The following AFDN variants were observed in gnomAD, a reference collection of about 807,000 sequenced individuals.
AFDN encodes the protein afadin.
AFDN carries 68 observed loss-of-function variants against 216.6 expected under a neutral mutation model. The ratio of observed to expected loss-of-function variants is 0.31; its 90% confidence interval spans 0.26 to 0.38. The LOEUF is 0.38. Ranked by LOEUF, AFDN falls within the 10% of genes least tolerant of loss-of-function variation. The probability of loss-of-function intolerance (pLI) is 1.00; values close to 1 mark genes in which losing one functional copy is unlikely to be tolerated. For synonymous variants in AFDN, 868 were observed against 853.7 expected (o/e 1.02, Z -0.29); for missense variants, 2,136 against 2,342.0 (o/e 0.91, Z 1.82).
intron 30 of AFDN, among the ~76,000 whole-genome samples, chr6:167,956,491 C>T (rs554899658): frequency 6.6e-6 from 1 of 152,292 alleles, no homozygotes; most frequent in Non-Finnish European, 1.5e-5. Flanking sequence ...CGACCTGAGA[C>T]GGTAGCACCA....
At position 167,915,868 on chromosome 6, in the gene AFDN, A is replaced by G. The variant is rs148534866; in HGVS notation, c.2565+435A>G. Among the ~76,000 whole-genome samples the G allele has an allele frequency of 4.7e-3, 721 of 152,364 alleles. 10 individuals carry two copies. The highest frequency in any genetic ancestry group is 0.016 in the African/African-American group (680 of 41,596). ...TCTGTGTGTATAAGGTGTATATGAA[A>G]CAAATTTCATATTTAGACTTGGGTC... is the stretch of plus-strand genomic sequence containing the variant. On this transcript the variant is annotated intron_variant, in intron 19 of 33. Transcript: ENST00000683244.
chr6:167,904,824 C>A (rs1789449915), intron 12 of AFDN, among the ~76,000 whole-genome samples: 2 of 152,188 alleles, frequency 1.3e-5, no homozygotes, highest in African/African-American at 4.8e-5. Flanking sequence ...CCATTCTACC[C>A]AGCTCATCAT....
At chr6:167,944,226 T>C (rs772721748) in intron 26 of AFDN, among the ~76,000 whole-genome samples, 167 bp downstream of exon 26, 4 of 152,178 alleles carry the variant, frequency 2.6e-5, no homozygotes, top group Non-Finnish European at 4.4e-5. Context: ...CATGTGAACC[T>C]TCTGACCTTG....
At chr6:167,966,224 G>T in intron 32 of AFDN, 179 bp downstream of exon 32, 1 of 1,531,986 alleles carries the variant, frequency 6.5e-7, no homozygotes, top group Non-Finnish European at 8.7e-7. Flanking sequence ...GCCAGCCCCT[G>T]CCCCCTCCAA....
chr6:167,933,910 C>G (rs1405081348), intron 23 of AFDN, among the ~76,000 whole-genome samples: 2 of 152,110 alleles, frequency 1.3e-5, no homozygotes, highest in East Asian at 3.9e-4. Flanking sequence ...TCACACTGCC[C>G]CAGGCTTGCC....
intron 1 of AFDN, among the ~76,000 whole-genome samples, chr6:167,841,299 A>G (rs1781042779): frequency 6.6e-6 from 1 of 152,184 alleles, no homozygotes; most frequent in Admixed American, 6.5e-5. Context: ...GCACTTAGGA[A>G]GAGAGCCAGG....
intron 23 of AFDN, among the ~76,000 whole-genome samples, chr6:167,936,809 G>A (rs1794065982): frequency 6.6e-6 from 1 of 152,160 alleles, no homozygotes; most frequent in African/African-American, 2.4e-5. Context: ...TGGACAAGTG[G>A]ACACCTTGTA....
chr6:167,906,267 A>T (rs1020150818), intron 12 of AFDN, among the ~76,000 whole-genome samples: 1 of 152,364 alleles, frequency 6.6e-6, no homozygotes, highest in Non-Finnish European at 1.5e-5. Context: ...AATGTTATAC[A>T]GCCATTACAA....
intron 23 of AFDN, among the ~76,000 whole-genome samples, chr6:167,930,694 T>G (rs918627280): frequency 6.6e-6 from 1 of 152,202 alleles, no homozygotes; most frequent in Non-Finnish European, 1.5e-5. Flanking sequence ...TGGAATCTGT[T>G]GCCCTGAGTA....
chr6:167,937,152 C>T (rs192896735), intron 23 of AFDN, among the ~76,000 whole-genome samples: 9 of 152,172 alleles, frequency 5.9e-5, no homozygotes, highest in East Asian at 5.8e-4. Flanking sequence ...AATGTGTCCA[C>T]GGAAATGTCC....
Position 167,962,575 on chromosome 6 carries a change from T to C in AFDN, c.4968+8T>C. ...CGAGACGCTGAAGAAAAGGTTATGGTCCTTTAAGGGCAGCTAGAATTTTAC... is the reference window on the plus strand; with the variant it reads ...CGAGACGCTGAAGAAAAGGTTATGGCCCTTTAAGGGCAGCTAGAATTTTAC... On this transcript the variant is annotated splice_region_variant and intron_variant, in intron 31 of 33. Coordinates refer to ENST00000683244, the MANE Select transcript of AFDN (RefSeq NM_001386888.1). The surrounding 1 kb of genome is among the most constrained non-coding windows in gnomAD (Gnocchi z 5.2). 1 of 1,613,686 alleles carries C rather than the reference T, an allele frequency of 6.2e-7. No homozygotes were observed. Among genetic ancestry groups the C allele is most frequent in the Non-Finnish European group, 8.5e-7 (1 of 1,179,792 alleles).
chr6:167,966,314 A>T, intron 32 of AFDN: 1 of 1,413,308 alleles, frequency 7.1e-7, no homozygotes, highest in Non-Finnish European at 9.3e-7. Flanking sequence ...TGTCTTAATG[A>T]TTGGAACCTC....
At chr6:167,952,325 T>TGTTA in intron 30 of AFDN, 138 bp downstream of exon 30, 2 of 1,521,574 alleles carry the variant, frequency 1.3e-6, no homozygotes, top group East Asian at 4.5e-5. Flanking sequence ...TTATTGTATG[T>TGTTA]GTTACTCTTG....
At chr6:167,919,001 C>T in intron 21 of AFDN, 68 bp downstream of exon 21, 1 of 1,363,270 alleles carries the variant, frequency 7.3e-7, no homozygotes, top group Middle Eastern at 1.8e-4. Context: ...ATTCATTGTC[C>T]ATCTCATAGG....
intron 26 of AFDN, among the ~76,000 whole-genome samples, chr6:167,944,403 A>G (rs930172040): frequency 4.6e-5 from 7 of 152,222 alleles, no homozygotes; most frequent in African/African-American, 9.6e-5. Context: ...GAAAAAAACT[A>G]AAGAATGAAT....
intron 5 of AFDN, among the ~76,000 whole-genome samples, chr6:167,879,994 TC>T (rs1198899223): frequency 4.6e-5 from 7 of 152,180 alleles, no homozygotes; most frequent in Non-Finnish European, 1.0e-4. Flanking sequence ...GGTAAGGAAA[TC>T]GCAAAGCAAT....
intron 2 of AFDN, 38 bp from the exon 3 acceptor site, chr6:167,870,348 A>G (rs781543717): frequency 1.5e-6 from 2 of 1,310,250 alleles, no homozygotes; most frequent in South Asian, 1.3e-5. Flanking sequence ...TGAAATAACC[A>G]TAGCTTATTC....
At chr6:167,903,411 C>T (rs1332349546) in intron 12 of AFDN, among the ~76,000 whole-genome samples, 1 of 152,332 alleles carries the variant, frequency 6.6e-6, no homozygotes, top group African/African-American at 2.4e-5. Flanking sequence ...TTGGGGCAGC[C>T]AGAAGTCGTA....
rs767902101 is a variant in AFDN, at chr6:167,952,202, G to T, written c.4833+15G>T. 10 of 1,613,876 alleles carry T rather than the reference G, an allele frequency of 6.2e-6. No individual in the cohort carries two copies. In the Admixed American group the frequency reaches 8.3e-5, roughly 13 times the overall value. The stretch of plus-strand genomic sequence containing the variant: ...GAAGAGCGAGGGTAAAGGGGGGAGT[G>T]CTTTGGCTGTGCCCATCTGTGGTCC... On this transcript the variant is annotated intron_variant, in intron 30 of 33. Transcript: ENST00000683244.
Sources: gnomAD v4.1 joint callset for allele counts (sites outside exome capture counted in the v4.1 genomes callset) on GRCh38, gnomAD v4.1.1 for gene constraint, Gnocchi (gnomAD v3.1) non-coding constraint, MANE v1.5 for transcripts, NCBI Gene and HGNC (gene_info 2026-07-23, HGNC 2026-07-21) for gene names.